GUCY2F: variants seen among roughly 807,000 people sequenced by gnomAD.
GUCY2F encodes the protein retinal guanylyl cyclase 2.
In GUCY2F, 61 loss-of-function variants were observed where a neutral mutation model predicts 73.1. That is an observed-to-expected ratio of 0.83 (90% CI 0.68 to 1.03). The LOEUF is 1.03. Among genes scored for constraint, GUCY2F ranks in the 50% least tolerant of loss-of-function variants. The pLI is 0.00. For missense variants in GUCY2F, 912 were observed against 854.3 expected (o/e 1.07, Z -0.84); for synonymous variants, 331 against 307.8 (o/e 1.08, Z -0.79).
intron 15 of GUCY2F, among the ~76,000 whole-genome samples, chrX:109,387,327 T>A (rs775070229): frequency 6.2e-5 from 7 of 112,487 alleles, no homozygotes; most frequent in Non-Finnish European, 1.3e-4. Flanking sequence ...ACTAGGTCAA[T>A]GGTGGTACCA....
intron 10 of GUCY2F, among the ~76,000 whole-genome samples, chrX:109,402,463 C>T (rs973617318): frequency 8.3e-5 from 9 of 108,672 alleles, no homozygotes; most frequent in Non-Finnish European, 1.7e-4. Context: ...ACCTCCGCCT[C>T]CCAGACTCAA....
chrX:109,468,922 T>G (rs1461830300), intron 2 of GUCY2F, among the ~76,000 whole-genome samples: 1 of 112,333 alleles, frequency 8.9e-6, no homozygotes, highest in Non-Finnish European at 1.9e-5. Flanking sequence ...TAAATAGTTT[T>G]ATTATGTTAA....
intron 19 of GUCY2F, among the ~76,000 whole-genome samples, chrX:109,374,622 CAGAG>C (rs767937406): frequency 4.2e-4 from 45 of 106,075 alleles, no homozygotes; most frequent in Middle Eastern, 4.8e-3. Flanking sequence ...CACTTTCCTA[CAGAG>C]AGAGAGAGAG....
chrX:109,382,105 A>G lies in GUCY2F; in HGVS notation c.3150+13T>C, dbSNP rs200942552. 2.1e-4 allele frequency: 219 copies of G among 1,063,873 alleles called. No homozygotes were observed. Among genetic ancestry groups the G allele is most frequent in the Non-Finnish European group, 4.8e-5 (37 of 763,878 alleles). The allele number at this position is 1,063,873 out of a possible 1,213,427, so 87.7% of individuals were successfully genotyped here. On this transcript the variant is annotated intron_variant, in intron 17 of 19. Coordinates refer to ENST00000218006, the MANE Select transcript of GUCY2F (RefSeq NM_001522.3). ...CCAAGTAGTCTGGCTCAAAAAACAA[A>G]AAGACATTATACCTTGAGCTCTGTT...
intron 9 of GUCY2F, among the ~76,000 whole-genome samples, chrX:109,405,162 T>C (rs1331670871): frequency 8.9e-6 from 1 of 111,736 alleles, no homozygotes; most frequent in African/African-American, 3.2e-5. Context: ...GTAAGTGAAA[T>C]ATAGTAATTA....
Position 109,476,038 on chromosome X carries a change from A to G in GUCY2F, c.-85-17T>C. On this transcript the variant is annotated splice_polypyrimidine_tract_variant and intron_variant, in intron 1 of 19. Coordinates refer to ENST00000218006, the MANE Select transcript of GUCY2F (RefSeq NM_001522.3). Reference sequence around the variant, plus strand: ...TCCAAATGCCTGTCAATCAGAGGAAAAGGTTTGTTACTCACATTATTTCTG... The same window carrying G: ...TCCAAATGCCTGTCAATCAGAGGAAGAGGTTTGTTACTCACATTATTTCTG... 1.4e-6 allele frequency: 1 copy of G among 729,410 alleles called. No homozygotes were observed. The highest frequency in any genetic ancestry group is 2.1e-5 in the African/African-American group (1 of 46,643). 60.1% of individuals were successfully genotyped at this position (729,410 alleles called of 1,213,427 possible).
chrX:109,475,742 C>A lies in GUCY2F; in HGVS notation c.195G>T (p.Ser65=). 8.3e-7 allele frequency: 1 copy of A among 1,210,599 alleles called. No individual in the cohort carries two copies. Among genetic ancestry groups the A allele is most frequent in the Non-Finnish European group, 1.1e-6 (1 of 894,705 alleles). ...CCTCAGGCAGGGCCTTTGAAAACAGCGAATCACAAGCCCAAGGGCCCACCA... is the reference window on the plus strand; with the variant it reads ...CCTCAGGCAGGGCCTTTGAAAACAGAGAATCACAAGCCCAAGGGCCCACCA... ...IGVVGPWACD[S]LFSKALPEVA... The change falls in exon 2 of 20, where the codon TCG becomes TCT. Residue 65 remains serine, a synonymous_variant. Coordinates refer to ENST00000218006, the MANE Select transcript of GUCY2F (RefSeq NM_001522.3).
At chrX:109,375,171 T>TA (rs5903336) in intron 19 of GUCY2F, among the ~76,000 whole-genome samples, 23,852 of 94,269 alleles carry the variant, frequency 0.25, 2,743 homozygotes, top group East Asian at 0.7. Flanking sequence ...AAGCAAGATT[T>TA]AAAAAAAAAA....
intron 3 of GUCY2F, among the ~76,000 whole-genome samples, chrX:109,462,576 CT>C (rs57809743): frequency 3.6e-5 from 4 of 111,014 alleles, no homozygotes; most frequent in East Asian, 5.6e-4. Context: ...CTAATGGCGT[CT>C]TTTTTTTGCC....
chrX:109,445,163 G>A (rs1931972098), intron 6 of GUCY2F, among the ~76,000 whole-genome samples: 1 of 111,086 alleles, frequency 9.0e-6, no homozygotes, highest in Non-Finnish European at 1.9e-5. Context: ...TAGCCCCAGG[G>A]GTAGGACATA....
intron 8 of GUCY2F, among the ~76,000 whole-genome samples, chrX:109,410,950 G>C (rs944207884): frequency 9.0e-6 from 1 of 111,152 alleles, no homozygotes; most frequent in Non-Finnish European, 1.9e-5. Context: ...AAATGGACAG[G>C]AGCCATATCC....
intron 6 of GUCY2F, 26 bp downstream of exon 6, chrX:109,448,043 C>A (rs1370261452): frequency 2.8e-6 from 2 of 711,754 alleles, no homozygotes; most frequent in Non-Finnish European, 4.5e-6. Context: ...TTGGACAGGG[C>A]AGCAAAAGAA....
intron 19 of GUCY2F, among the ~76,000 whole-genome samples, chrX:109,374,346 G>T (rs1255828415): frequency 1.8e-5 from 2 of 111,716 alleles, no homozygotes; most frequent in African/African-American, 6.5e-5. Context: ...TGACCCAGTG[G>T]CTTCAATCTG....
intron 7 of GUCY2F, among the ~76,000 whole-genome samples, chrX:109,438,938 C>T (rs1176097471): frequency 2.7e-5 from 3 of 112,893 alleles, no homozygotes; most frequent in Non-Finnish European, 3.8e-5. Flanking sequence ...AATGGGGACT[C>T]TCTGCAGTGG....
At chrX:109,383,691 A>C (rs1432142873) in intron 16 of GUCY2F, among the ~76,000 whole-genome samples, 1 of 112,043 alleles carries the variant, frequency 8.9e-6, no homozygotes, top group Non-Finnish European at 1.9e-5. Flanking sequence ...TTGCACAGTC[A>C]GTGCTTAATA....
intron 9 of GUCY2F, among the ~76,000 whole-genome samples, chrX:109,408,305 A>ATT (rs770827162): frequency 5.3e-4 from 59 of 112,108 alleles, no homozygotes; most frequent in Non-Finnish European, 7.9e-4. Flanking sequence ...GAACAGCTGT[A>ATT]TTTACCCAAT....
At chrX:109,397,284 G>A (rs1377348906) in intron 11 of GUCY2F, among the ~76,000 whole-genome samples, 1 of 111,187 alleles carries the variant, frequency 9.0e-6, no homozygotes, top group Admixed American at 9.5e-5. Flanking sequence ...GTAGCTAGGG[G>A]CCAGATTGTA....
At chrX:109,398,440 A>G (rs1930760081) in intron 11 of GUCY2F, 109 bp downstream of exon 11, 1 of 692,298 alleles carries the variant, frequency 1.4e-6, no homozygotes, top group African/African-American at 2.1e-5. Flanking sequence ...CTTGCAGACT[A>G]TCAGGCTGTT....
At chrX:109,477,304 T>C (rs1435468878) in intron 1 of GUCY2F, among the ~76,000 whole-genome samples, 1 of 111,666 alleles carries the variant, frequency 9.0e-6, no homozygotes, top group African/African-American at 3.3e-5. Context: ...TTTTCAGACC[T>C]AGGAAACTGA....
Sources: gnomAD v4.1 joint callset for allele counts (sites outside exome capture counted in the v4.1 genomes callset) on GRCh38, gnomAD v4.1.1 for gene constraint, MANE v1.5 for transcripts, NCBI Gene and HGNC (gene_info 2026-07-23, HGNC 2026-07-21) for gene names.